Variants in BRINP2 observed in about 807,000 individuals in gnomAD.
BRINP2 encodes the protein BMP/retinoic acid inducible neural specific 2.
Under a neutral mutation model 69.2 loss-of-function variants are expected in BRINP2, and 21 were observed. That is an observed-to-expected ratio of 0.30 (90% CI 0.22 to 0.44). The LOEUF is 0.44. Among genes scored for constraint, BRINP2 ranks in the 20% least tolerant of loss-of-function variants. BRINP2 has a pLI of 1.00. For synonymous variants in BRINP2, 380 were observed against 394.1 expected (o/e 0.96, Z 0.42); for missense variants, 877 against 986.0 (o/e 0.89, Z 1.48).
At position 177,216,779 on chromosome 1, in the gene BRINP2, G is replaced by GTT. The variant is rs35697447; in HGVS notation, c.-76-13006_-76-13005dup. On this transcript the variant is annotated intron_variant, in intron 1 of 7. Coordinates refer to ENST00000361539, the MANE Select transcript of BRINP2 (RefSeq NM_021165.4). The stretch of plus-strand genomic sequence containing the variant: ...CTGAGTGAAGTATTCTTGGTTGGTA[G>GTT]TTTTTTTTTTTTTTTTTCACTTCAC... 1.5e-3 allele frequency among the ~76,000 whole-genome samples: 193 copies of GTT among 126,564 alleles called. 1 individual carries two copies. The highest frequency in any genetic ancestry group is 2.1e-3 in the Non-Finnish European group (124 of 59,824). The allele number at this position is 126,564 out of a possible 152,430, so 83.0% of individuals were successfully genotyped here. A position where few individuals can be genotyped will look rare whatever the true frequency, so the allele number is the denominator to read the frequency against.
chr1:177,200,297 A>AAAAAAAAAAT (rs1648870159), intron 1 of BRINP2, among the ~76,000 whole-genome samples: 1 of 107,810 alleles, frequency 9.3e-6, no homozygotes, highest in Non-Finnish European at 1.7e-5. Context: ...CTGTCTCAAA[A>AAAAAAAAAAT]AAAAAAAAAA....
At chr1:177,266,080 A>G (rs2102354371) in intron 4 of BRINP2, among the ~76,000 whole-genome samples, 1 of 152,006 alleles carries the variant, frequency 6.6e-6, no homozygotes, top group Admixed American at 6.6e-5. Flanking sequence ...AGATTATGCC[A>G]CTGCATTCCA....
At chr1:177,260,544 G>T (rs954969428) in intron 4 of BRINP2, among the ~76,000 whole-genome samples, 3 of 152,160 alleles carry the variant, frequency 2.0e-5, no homozygotes, top group Non-Finnish European at 2.9e-5. Flanking sequence ...ATGAAAGGAA[G>T]AGTCCATTGA....
intron 1 of BRINP2, among the ~76,000 whole-genome samples, chr1:177,182,846 T>C (rs560796093): frequency 2.6e-4 from 39 of 152,334 alleles, no homozygotes; most frequent in African/African-American, 9.4e-4. Flanking sequence ...GGTTAGAGTA[T>C]GAAATGAAAT....
chr1:177,187,652 C>T (rs1483085358), intron 1 of BRINP2, among the ~76,000 whole-genome samples: 1 of 152,152 alleles, frequency 6.6e-6, no homozygotes, highest in Non-Finnish European at 1.5e-5. Flanking sequence ...CGCTCAACCA[C>T]TCATGTATGT....
At chr1:177,234,594 C>T (rs972881621) in intron 2 of BRINP2, among the ~76,000 whole-genome samples, 3 of 151,950 alleles carry the variant, frequency 2.0e-5, no homozygotes, top group African/African-American at 4.8e-5. Context: ...ACACTTAAAA[C>T]TCGGAAAGAA....
intron 2 of BRINP2, among the ~76,000 whole-genome samples, chr1:177,235,184 T>C (rs974621064): frequency 6.6e-6 from 1 of 152,118 alleles, no homozygotes; most frequent in African/African-American, 2.4e-5. Flanking sequence ...ACCTAAGGAA[T>C]GAAAATCTGC....
At chr1:177,210,730 C>T (rs1649197839) in intron 1 of BRINP2, among the ~76,000 whole-genome samples, 1 of 151,150 alleles carries the variant, frequency 6.6e-6, no homozygotes, top group Non-Finnish European at 1.5e-5. Flanking sequence ...TATTTTTTAA[C>T]TATAAATTAT....
intron 2 of BRINP2, among the ~76,000 whole-genome samples, chr1:177,240,302 T>C (rs1194538732): frequency 6.6e-6 from 1 of 152,174 alleles, no homozygotes. Context: ...CGGTAAACTT[T>C]AGCATCATAA....
intron 3 of BRINP2, 57 bp downstream of exon 3, chr1:177,256,166 A>G (rs1650748984): frequency 2.5e-6 from 4 of 1,576,920 alleles, no homozygotes; most frequent in Non-Finnish European, 3.5e-6. Context: ...AAATAACGTT[A>G]AGACTCGTGT....
chr1:177,272,480 AAT>A (rs1183943065), intron 4 of BRINP2, among the ~76,000 whole-genome samples: 3 of 152,264 alleles, frequency 2.0e-5, no homozygotes, highest in Non-Finnish European at 4.4e-5. Flanking sequence ...GAGCAAAATA[AAT>A]ATGAGCTTCC....
At chr1:177,177,674 T>C (rs1311082868) in intron 1 of BRINP2, among the ~76,000 whole-genome samples, 4 of 152,220 alleles carry the variant, frequency 2.6e-5, no homozygotes, top group Admixed American at 2.6e-4. Flanking sequence ...TGTTCGTACA[T>C]GTTAACCACG....
chr1:177,265,678 T>C (rs114634154), intron 4 of BRINP2, among the ~76,000 whole-genome samples: 2,750 of 152,174 alleles, frequency 0.018, 78 homozygotes, highest in African/African-American at 0.063. Context: ...GGAAAGAACA[T>C]AGGCTGCAAC....
chr1:177,273,087 A>C (rs907766567), intron 4 of BRINP2, among the ~76,000 whole-genome samples: 1 of 152,214 alleles, frequency 6.6e-6, no homozygotes, highest in Non-Finnish European at 1.5e-5. Context: ...AAAGTCTGTG[A>C]GTACCACATC....
chr1:177,186,465 A>G (rs1301317710), intron 1 of BRINP2, among the ~76,000 whole-genome samples: 1 of 152,148 alleles, frequency 6.6e-6, no homozygotes, highest in Non-Finnish European at 1.5e-5. Flanking sequence ...AGCCATATAT[A>G]TACATATGGT....
chr1:177,205,110 A>C (rs982771996), intron 1 of BRINP2, among the ~76,000 whole-genome samples: 5 of 152,116 alleles, frequency 3.3e-5, no homozygotes, highest in Admixed American at 3.3e-4. Context: ...GGGAAGTGTC[A>C]ACAAATAGCA....
At chr1:177,194,480 A>G (rs1474555554) in intron 1 of BRINP2, among the ~76,000 whole-genome samples, 13 of 152,190 alleles carry the variant, frequency 8.5e-5, no homozygotes, top group Admixed American at 8.5e-4. Flanking sequence ...AAGGACATCC[A>G]TGTTTTAAAT....
chr1:177,253,607 G>T (rs1296828558), intron 2 of BRINP2, among the ~76,000 whole-genome samples: 2 of 151,922 alleles, frequency 1.3e-5, no homozygotes, highest in African/African-American at 4.8e-5. Context: ...AAAAAAACTT[G>T]CCCACATCAA....
intron 2 of BRINP2, 50 bp from the exon 3 acceptor site, chr1:177,255,869 T>A: frequency 6.3e-7 from 1 of 1,576,628 alleles, no homozygotes; most frequent in Non-Finnish European, 8.7e-7. Flanking sequence ...TTTATGCCTC[T>A]TGCTCTGAAA....
Sources: allele counts gnomAD v4.1 joint callset (sites outside exome capture counted in the v4.1 genomes callset), GRCh38; gene constraint gnomAD v4.1.1; transcripts MANE v1.5; gene names NCBI Gene and HGNC (gene_info 2026-07-23, HGNC 2026-07-21).